Variants in CEP162 observed in about 807,000 individuals in gnomAD.
The protein encoded by CEP162 is centrosomal protein 162, also known as centrosomal protein of 162 kDa.
In CEP162, 141 loss-of-function variants were observed where a neutral mutation model predicts 169.2. That is an observed-to-expected ratio of 0.83 (90% CI 0.73 to 0.96). CEP162 has a LOEUF of 0.96. Among genes scored for constraint, CEP162 ranks in the 40% least tolerant of loss-of-function variants. CEP162 has a pLI of 0.00. For missense variants in CEP162, 1,600 were observed against 1,587.2 expected, an observed-to-expected ratio of 1.01 and a Z score of -0.14; for synonymous variants, 540 against 526.4, an observed-to-expected ratio of 1.03 and a Z score of -0.35.
Position 84,219,022 on chromosome 6 carries a change from C to T in CEP162, c.172+2035G>A, listed in dbSNP as rs139769119. ...GATGAGATAGTTTCACCTTCTAAGC[C>T]GAACATTTTATTCCTATGGCAACTG... On this transcript the variant is annotated intron_variant, in intron 3 of 26. Coordinates refer to ENST00000403245, the MANE Select transcript of CEP162 (RefSeq NM_014895.4). 8.9e-4 allele frequency: 307 copies of T among 346,024 alleles called. 2 individuals carry two copies. The highest frequency in any genetic ancestry group is 6.2e-3 in the African/African-American group (281 of 45,108). The allele number at this position is 346,024 out of a possible 1,614,324, so 21.4% of individuals were successfully genotyped here.
Position 84,124,537 on chromosome 6 carries a change from G to C in CEP162, c.*533C>G. The C allele has an allele frequency of 6.2e-6, 1 of 160,824 alleles. No individual in the cohort carries two copies. The highest frequency in any genetic ancestry group is 1.3e-5 in the Non-Finnish European group (1 of 74,748). 10.0% of individuals were successfully genotyped at this position (160,824 alleles called of 1,614,324 possible). A position where few individuals can be genotyped will look rare whatever the true frequency, so the allele number is the denominator to read the frequency against. On this transcript the variant is annotated 3_prime_UTR_variant, in exon 27 of 27. Transcript: ENST00000403245. ...AGGAGCTAAACAATGGGTACACAGA[G>C]ACATAAAGATGGAGATAACAGACAC... is the stretch of plus-strand genomic sequence containing the variant.
intron 9 of CEP162, 83 bp from the exon 10 acceptor site, chr6:84,195,158 T>G: frequency 8.9e-7 from 1 of 1,121,394 alleles, no homozygotes; most frequent in Non-Finnish European, 1.3e-6. Flanking sequence ...TTCCTTAACC[T>G]GTTAGGAATA....
In CEP162 at chr6:84,155,314, T is replaced by G. The variant is rs1431287223; in HGVS notation, c.2978A>C (p.Gln993Pro). ...AKKSLRTMEQQFQKMKIQYEQ... is the reference protein window; with the variant it reads ...AKKSLRTMEQPFQKMKIQYEQ... ...ACCACTTACCTTCATTTTCTGAAACTGTTGTTCCATGGTACGAAGGCTTTT... is the reference window on the plus strand; with the variant it reads ...ACCACTTACCTTCATTTTCTGAAACGGTTGTTCCATGGTACGAAGGCTTTT... The change falls in exon 22 of 27, where the codon CAG (glutamine) becomes CCG (proline). Residue 993 changes from glutamine (Q) to proline (P), a missense_variant. Physicochemically the swap from Gln to Pro is moderately conservative, Grantham distance 76. Transcript: ENST00000403245. 6.2e-7 allele frequency: 1 copy of G among 1,613,322 alleles called. No individual in the cohort carries two copies. The highest frequency in any genetic ancestry group is 8.5e-7 in the Non-Finnish European group (1 of 1,179,464).
intron 20 of CEP162, 149 bp downstream of exon 20, chr6:84,161,597 G>A: frequency 1.5e-6 from 1 of 653,032 alleles, no homozygotes; most frequent in Non-Finnish European, 2.5e-6. Flanking sequence ...ATTTAAAATA[G>A]ACTATATATC....
At chr6:84,212,935 A>G in intron 6 of CEP162, 22 bp downstream of exon 6, 1 of 1,410,412 alleles carries the variant, frequency 7.1e-7, no homozygotes, top group Non-Finnish European at 9.7e-7. Context: ...AATATTATAA[A>G]TTTAAGAACC....
At chr6:84,164,699 G>T (rs1460471772) in intron 18 of CEP162, among the ~76,000 whole-genome samples, 3 of 152,054 alleles carry the variant, frequency 2.0e-5, no homozygotes, top group South Asian at 2.1e-4. Context: ...CCTGTCGGGG[G>T]GTGAGGGGCA....
intron 17 of CEP162, 146 bp from the exon 18 acceptor site, chr6:84,169,579 G>T (rs889313392): frequency 4.0e-6 from 2 of 498,882 alleles, no homozygotes; most frequent in African/African-American, 2.0e-5. Context: ...TTAATCTAAA[G>T]ATTAAAATAC....
chr6:84,208,611 C>T (rs1023604857), intron 6 of CEP162, among the ~76,000 whole-genome samples: 5 of 152,170 alleles, frequency 3.3e-5, no homozygotes, highest in African/African-American at 1.2e-4. Context: ...GATCTGGCTA[C>T]AGAAACATCT....
chr6:84,134,804 G>T (rs1482052232), intron 25 of CEP162, among the ~76,000 whole-genome samples: 4 of 151,886 alleles, frequency 2.6e-5, no homozygotes, highest in Non-Finnish European at 5.9e-5. Context: ...CATCTTGCCA[G>T]CCTCCCCCCC....
intron 10 of CEP162, among the ~76,000 whole-genome samples, chr6:84,193,947 T>C (rs964625730): frequency 2.6e-5 from 4 of 152,168 alleles, no homozygotes; most frequent in Admixed American, 2.0e-4. Flanking sequence ...TAAGTACATA[T>C]TTGGTTGATC....
intron 10 of CEP162, among the ~76,000 whole-genome samples, chr6:84,194,107 C>A (rs542412960): frequency 1.5e-4 from 23 of 152,240 alleles, no homozygotes; most frequent in Non-Finnish European, 5.9e-5. Flanking sequence ...GTAATCTCAG[C>A]ACTTTGGGAG....
chr6:84,148,435 A>G (rs990092611), intron 24 of CEP162, among the ~76,000 whole-genome samples: 1 of 152,112 alleles, frequency 6.6e-6, no homozygotes, highest in African/African-American at 2.4e-5. Context: ...AGGCTGAGAC[A>G]GAAGAATCGC....
chr6:84,176,640 C>T (rs993676675), intron 13 of CEP162, among the ~76,000 whole-genome samples: 11 of 152,256 alleles, frequency 7.2e-5, no homozygotes, highest in African/African-American at 7.2e-5. Context: ...CTTACAGGAA[C>T]GTTTAGGATT....
At chr6:84,186,829 T>C (rs549228713) in intron 11 of CEP162, among the ~76,000 whole-genome samples, 26 of 152,298 alleles carry the variant, frequency 1.7e-4, no homozygotes, top group Non-Finnish European at 3.4e-4. Flanking sequence ...GGATAATAAT[T>C]TTAATGCAGT....
chr6:84,203,478 C>T lies in CEP162; in HGVS notation c.687+503G>A, dbSNP rs140471765. Among the ~76,000 whole-genome samples, 3 of 152,286 alleles carry T rather than the reference C, an allele frequency of 2.0e-5. No individual in the cohort carries two copies. The East Asian group carries it at 5.8e-4, about 29-fold the overall frequency. On this transcript the variant is annotated intron_variant, in intron 7 of 26. Transcript: ENST00000403245. ...TTTGTTTGTTTGAGACAGGGTCTCA[C>T]TCATCAACCAGGCTGGAGTGCAGTG...
chr6:84,155,824 C>T (rs2099522922), intron 21 of CEP162, among the ~76,000 whole-genome samples: 1 of 152,146 alleles, frequency 6.6e-6, no homozygotes, highest in African/African-American at 2.4e-5. Flanking sequence ...TCTACAAATT[C>T]AATTCAATCC....
rs571685420 is a variant in CEP162 at position 84,162,004 on chromosome 6, CTAA to C, written c.2513-98_2513-96del. ...ATTTTAAATGAAAACCAATGCCCAT[CTAA>C]TGACAGCATTATGAAAAAATAAGAA... is the stretch of plus-strand genomic sequence containing the variant. On this transcript the variant is annotated intron_variant, in intron 19 of 26. Coordinates refer to ENST00000403245, the MANE Select transcript of CEP162 (RefSeq NM_014895.4). 1.3e-3 allele frequency: 983 copies of C among 733,436 alleles called. 1 individual carries two copies. Among genetic ancestry groups the C allele is most frequent in the Non-Finnish European group, 1.8e-3 (843 of 462,416 alleles). 45.4% of individuals were successfully genotyped at this position (733,436 alleles called of 1,614,324 possible).
intron 9 of CEP162, among the ~76,000 whole-genome samples, chr6:84,198,147 T>A (rs2099542934): frequency 6.6e-6 from 1 of 152,208 alleles, no homozygotes; most frequent in Non-Finnish European, 1.5e-5. Flanking sequence ...TTAACCAATG[T>A]TTAAGTTAAC....
chr6:84,224,421 A>G lies in CEP162; in HGVS notation c.57+1916T>C, dbSNP rs74330036. On this transcript the variant is annotated intron_variant, in intron 2 of 26. Coordinates refer to ENST00000403245, the MANE Select transcript of CEP162 (RefSeq NM_014895.4). ...GGAGATGGAGTAACTGCTAACAGAT[A>G]TGGGATTTCTTTCTGGGGTGATAAA... is the stretch of plus-strand genomic sequence containing the variant. Among the ~76,000 whole-genome samples, 603 of 152,274 alleles carry G rather than the reference A, an allele frequency of 4.0e-3. 6 individuals are homozygous for G. Among genetic ancestry groups the G allele is most frequent in the African/African-American group, 0.014 (580 of 41,552 alleles).
Sources: allele counts gnomAD v4.1 joint callset (sites outside exome capture counted in the v4.1 genomes callset), GRCh38; gene constraint gnomAD v4.1.1; transcripts MANE v1.5; gene names NCBI Gene and HGNC (gene_info 2026-07-23, HGNC 2026-07-21).